The following GRID1 variants were observed in gnomAD, a reference collection of about 807,000 sequenced individuals.
The protein encoded by GRID1 is glutamate receptor ionotropic, delta-1.
Under a neutral mutation model 98.0 loss-of-function variants are expected in GRID1, and 28 were observed. That is an observed-to-expected ratio of 0.29 (90% CI 0.21 to 0.39). The LOEUF is 0.39. Among genes scored for constraint, GRID1 ranks in the 10% least tolerant of loss-of-function variants. GRID1 has a pLI of 1.00. For missense variants in GRID1, 1,111 were observed against 1,340.5 expected (o/e 0.83, Z 2.67); for synonymous variants, 553 against 538.5 (o/e 1.03, Z -0.37).
chr10:86,068,338 G>C (rs1843749244), intron 4 of GRID1, among the ~76,000 whole-genome samples: 1 of 152,146 alleles, frequency 6.6e-6, no homozygotes, highest in Non-Finnish European at 1.5e-5. Flanking sequence ...TCTAAAAAAA[G>C]ATCTGAAAAT....
intron 8 of GRID1, among the ~76,000 whole-genome samples, chr10:85,762,752 G>A (rs2140661): frequency 0.43 from 65,308 of 151,994 alleles, 14,907 homozygotes; most frequent in East Asian, 0.74. Context: ...TCTTGAAGTC[G>A]TAACAATGCA....
intron 2 of GRID1, among the ~76,000 whole-genome samples, chr10:86,218,978 G>A (rs1449936000): frequency 6.6e-6 from 1 of 152,216 alleles, no homozygotes; most frequent in African/African-American, 2.4e-5. Flanking sequence ...CGACAGCACA[G>A]CCCGAGACAG....
intron 2 of GRID1, among the ~76,000 whole-genome samples, chr10:86,311,503 G>A (rs1564735730): frequency 6.6e-6 from 1 of 152,166 alleles, no homozygotes; most frequent in Non-Finnish European, 1.5e-5. Context: ...TCCCATTTGG[G>A]CCTCTCTAGC....
intron 8 of GRID1, among the ~76,000 whole-genome samples, chr10:85,796,578 CA>C (rs1299333380): frequency 1.3e-5 from 2 of 151,896 alleles, no homozygotes; most frequent in Non-Finnish European, 2.9e-5. Flanking sequence ...CTTGGAAAAA[CA>C]GCGTGAATAT....
At chr10:85,936,459 G>C (rs182592256) in intron 4 of GRID1, among the ~76,000 whole-genome samples, 51 of 151,230 alleles carry the variant, frequency 3.4e-4, no homozygotes, top group African/African-American at 1.1e-3. Flanking sequence ...CCATTATGTT[G>C]TTCTATGTCC....
chr10:85,894,258 A>G (rs1917140), intron 5 of GRID1, among the ~76,000 whole-genome samples: 39,098 of 152,114 alleles, frequency 0.26, 5,252 homozygotes, highest in African/African-American at 0.33. Context: ...AAATAACTAT[A>G]TAAAAAAATA....
At chr10:85,892,745 C>T (rs1466896905) in intron 5 of GRID1, among the ~76,000 whole-genome samples, 2 of 151,938 alleles carry the variant, frequency 1.3e-5, no homozygotes, top group African/African-American at 4.8e-5. Context: ...CCTTTTCAGA[C>T]CCAGATAACG....
intron 2 of GRID1, among the ~76,000 whole-genome samples, chr10:86,339,411 C>G (rs985572034): frequency 6.6e-6 from 1 of 152,242 alleles, no homozygotes; most frequent in Non-Finnish European, 1.5e-5. Flanking sequence ...CGGTGATTAC[C>G]CAGTGCTGGC....
At chr10:86,076,845 A>G (rs1181674314) in intron 4 of GRID1, among the ~76,000 whole-genome samples, 1 of 145,708 alleles carries the variant, frequency 6.9e-6, no homozygotes, top group Non-Finnish European at 1.5e-5. Flanking sequence ...GGCTTGTGGC[A>G]GCATCACCCT....
intron 5 of GRID1, among the ~76,000 whole-genome samples, chr10:85,901,781 C>G (rs1393425686): frequency 6.6e-6 from 1 of 152,188 alleles, no homozygotes; most frequent in East Asian, 1.9e-4. Context: ...GTCCTGCTCC[C>G]AAAACCCATC....
At chr10:86,170,104 C>A (rs1280423314) in intron 3 of GRID1, among the ~76,000 whole-genome samples, 1 of 152,214 alleles carries the variant, frequency 6.6e-6, no homozygotes, top group Non-Finnish European at 1.5e-5. Flanking sequence ...GGTCTCCAGG[C>A]AAGCCTGGGG....
chr10:86,108,642 ACTCTG>A, intron 4 of GRID1, among the ~76,000 whole-genome samples: 1 of 151,736 alleles, frequency 6.6e-6, no homozygotes, highest in South Asian at 2.1e-4. Context: ...CCAGCACCAG[ACTCTG>A]CTCTGCTTTT....
intron 4 of GRID1, among the ~76,000 whole-genome samples, chr10:86,070,793 A>C (rs1297272150): frequency 6.6e-6 from 1 of 152,222 alleles, no homozygotes; most frequent in African/African-American, 2.4e-5. Context: ...GGCCCAGCTG[A>C]TACAGAGAGT....
At chr10:85,827,677 TAA>T (rs752454640) in intron 8 of GRID1, among the ~76,000 whole-genome samples, 15 of 138,962 alleles carry the variant, frequency 1.1e-4, no homozygotes, top group Admixed American at 7.2e-5. Flanking sequence ...CAACAATGGT[TAA>T]AAAAAAAAAA....
At chr10:85,704,148 G>C (rs1190647122) in intron 12 of GRID1, among the ~76,000 whole-genome samples, 1 of 152,110 alleles carries the variant, frequency 6.6e-6, no homozygotes, top group African/African-American at 2.4e-5. Flanking sequence ...TGGGCTAAAT[G>C]CTCCAATTAA....
At position 85,938,786 on chromosome 10, in the gene GRID1, C is replaced by T. The variant is rs895615012; in HGVS notation, c.727-22547G>A. On this transcript the variant is annotated intron_variant, in intron 4 of 15. Transcript: ENST00000327946. ...TTTGGCCAGCCTCTAGCTGGGTAATCGCAGGTAGTCATTTAACCTGTGATT... is the reference window on the plus strand; with the variant it reads ...TTTGGCCAGCCTCTAGCTGGGTAATTGCAGGTAGTCATTTAACCTGTGATT... 4.6e-5 allele frequency among the ~76,000 whole-genome samples: 7 copies of T among 152,100 alleles called. No individual in the cohort carries two copies. The East Asian group carries it at 5.8e-4, about 13-fold the overall frequency.
chr10:86,234,163 C>T (rs1247624689), intron 2 of GRID1, among the ~76,000 whole-genome samples: 1 of 152,166 alleles, frequency 6.6e-6, no homozygotes, highest in Non-Finnish European at 1.5e-5. Context: ...GCTACCAGAC[C>T]TTAGCTGGCC....
intron 2 of GRID1, among the ~76,000 whole-genome samples, chr10:86,241,717 T>C (rs752195875): frequency 3.9e-5 from 6 of 152,236 alleles, no homozygotes; most frequent in Non-Finnish European, 2.9e-5. Context: ...AATTAATTAG[T>C]TATGAGTGAT....
At chr10:86,284,176 C>T (rs891309443) in intron 2 of GRID1, among the ~76,000 whole-genome samples, 4 of 151,456 alleles carry the variant, frequency 2.6e-5, no homozygotes, top group Non-Finnish European at 5.9e-5. Flanking sequence ...ACACACATAC[C>T]TACACATACA....
Sources: allele counts gnomAD v4.1 joint callset (sites outside exome capture counted in the v4.1 genomes callset), GRCh38; gene constraint gnomAD v4.1.1; transcripts MANE v1.5; gene names NCBI Gene and HGNC (gene_info 2026-07-23, HGNC 2026-07-21).